The following CEMIP2 variants were observed in gnomAD, a reference collection of about 807,000 sequenced individuals.
CEMIP2 encodes the protein cell surface hyaluronidase CEMIP2.
Under a neutral mutation model 146.9 loss-of-function variants are expected in CEMIP2, and 79 were observed. That is an observed-to-expected ratio of 0.54 (90% CI 0.45 to 0.65). CEMIP2 has a LOEUF of 0.65. Among genes scored for constraint, CEMIP2 ranks in the 30% least tolerant of loss-of-function variants. CEMIP2 has a pLI of 0.00. For missense variants in CEMIP2, 1,596 were observed against 1,696.2 expected, an observed-to-expected ratio of 0.94 and a Z score of 1.04; for synonymous variants, 601 against 606.3, an observed-to-expected ratio of 0.99 and a Z score of 0.13.
chr9:71,700,563 C>A (rs1822530146), intron 19 of CEMIP2, 79 bp downstream of exon 19: 4 of 1,440,344 alleles, frequency 2.8e-6, no homozygotes, highest in Non-Finnish European at 3.8e-6. Flanking sequence ...CACTAAACAG[C>A]CGCGATGCTG....
At chr9:71,698,474 T>C (rs978209143) in intron 19 of CEMIP2, among the ~76,000 whole-genome samples, 2 of 152,230 alleles carry the variant, frequency 1.3e-5, no homozygotes, top group African/African-American at 4.8e-5. Context: ...ATTAGTTCGA[T>C]AGGTAATTTG....
intron 6 of CEMIP2, among the ~76,000 whole-genome samples, 167 bp downstream of exon 6, chr9:71,734,639 C>T (rs1823711860): frequency 6.6e-6 from 1 of 151,882 alleles, no homozygotes; most frequent in Non-Finnish European, 1.5e-5. Context: ...ATCTAATATT[C>T]CCTGGAATCT....
At chr9:71,731,717 A>T (rs1270723027) in intron 7 of CEMIP2, among the ~76,000 whole-genome samples, 9 of 138,600 alleles carry the variant, frequency 6.5e-5, no homozygotes, top group Admixed American at 6.1e-4. Flanking sequence ...GGGTGACAGA[A>T]TGAGACTGTA....
At position 71,746,596 on chromosome 9, in the gene CEMIP2, C is replaced by CAAAAAA. The variant is rs5898226; in HGVS notation, c.332-261_332-256dup. On this transcript the variant is annotated intron_variant, in intron 2 of 23. Transcript: ENST00000377044. Reference sequence around the variant, plus strand: ...GCATCTAGTTCAGGACAAACTTCACCAAAAAAAAAAAAAAAAAAAAAAAGT... The same window carrying CAAAAAA: ...GCATCTAGTTCAGGACAAACTTCACCAAAAAAAAAAAAAAAAAAAAAAAAAAAAAGT... Among the ~76,000 whole-genome samples, 39 of 75,158 alleles carry CAAAAAA rather than the reference C, an allele frequency of 5.2e-4. 1 individual carries two copies. Among genetic ancestry groups the CAAAAAA allele is most frequent in the South Asian group, 2.0e-3 (3 of 1,512 alleles). 49.3% of individuals were successfully genotyped at this position (75,158 alleles called of 152,430 possible).
intron 20 of CEMIP2, among the ~76,000 whole-genome samples, chr9:71,695,951 A>G (rs909956418): frequency 6.6e-6 from 1 of 152,074 alleles, no homozygotes; most frequent in African/African-American, 2.4e-5. Flanking sequence ...CCCCGCCTCT[A>G]TATTTAAGAA....
chr9:71,731,126 A>G (rs968170156), intron 7 of CEMIP2: 4 of 590,020 alleles, frequency 6.8e-6, no homozygotes, highest in Non-Finnish European at 9.0e-6. Flanking sequence ...ATAGCCTCCA[A>G]TTAGGAATAA....
intron 20 of CEMIP2, 98 bp downstream of exon 20, chr9:71,697,887 A>G: frequency 8.1e-7 from 1 of 1,236,650 alleles, no homozygotes; most frequent in Non-Finnish European, 1.1e-6. Context: ...ATGTCCATAA[A>G]TGGGCAATAT....
chr9:71,709,077 T>A (rs1180420493), intron 17 of CEMIP2, among the ~76,000 whole-genome samples, 182 bp downstream of exon 17: 4 of 152,032 alleles, frequency 2.6e-5, no homozygotes, highest in African/African-American at 9.7e-5. Flanking sequence ...TTAAGAAAAA[T>A]TCCAGGAGTC....
intron 11 of CEMIP2, 21 bp from the exon 12 acceptor site, chr9:71,722,536 A>C: frequency 6.4e-7 from 1 of 1,560,480 alleles, no homozygotes; most frequent in Non-Finnish European, 8.8e-7. Flanking sequence ...TAAATAATGG[A>C]CTGGAATGAA....
In CEMIP2 at chr9:71,750,398, A is replaced by G. The variant is rs1824215516; in HGVS notation, c.-12-13T>C. On this transcript the variant is annotated splice_polypyrimidine_tract_variant and intron_variant, in intron 1 of 23. Transcript: ENST00000377044. ...TGATACACTGTTACTGTGAAAAGAA[A>G]AAAAAATTAAGCTTCAGTATGTGTA... The G allele has an allele frequency of 6.5e-7, 1 of 1,527,046 alleles. No individual in the cohort carries two copies. Among genetic ancestry groups the G allele is most frequent in the Non-Finnish European group, 8.8e-7 (1 of 1,136,528 alleles). 94.6% of individuals were successfully genotyped at this position (1,527,046 alleles called of 1,614,324 possible).
At chr9:71,692,137 A>G (rs1483352114) in intron 21 of CEMIP2, among the ~76,000 whole-genome samples, 1 of 151,400 alleles carries the variant, frequency 6.6e-6, no homozygotes, top group Non-Finnish European at 1.5e-5. Context: ...AAAAACAACC[A>G]AAAACCCCTA....
chr9:71,690,927 C>G (rs1822208706), intron 21 of CEMIP2, among the ~76,000 whole-genome samples: 1 of 152,154 alleles, frequency 6.6e-6, no homozygotes, highest in Admixed American at 6.5e-5. Context: ...TCATTAATTT[C>G]TCAGCCAAAA....
intron 17 of CEMIP2, 55 bp downstream of exon 17, chr9:71,709,204 G>A: frequency 1.3e-6 from 2 of 1,520,082 alleles, no homozygotes; most frequent in Non-Finnish European, 1.8e-6. Context: ...TCTCACAGAA[G>A]CAGTGCTGGC....
Position 71,712,351 on chromosome 9 carries a change from G to A in CEMIP2, c.2592-91C>T, listed in dbSNP as rs1049281658. 49 of 1,299,668 alleles carry A rather than the reference G, an allele frequency of 3.8e-5. 1 individual carries two copies. The highest frequency in any genetic ancestry group is 2.8e-4 in the African/African-American group (19 of 67,416). The allele number at this position is 1,299,668 out of a possible 1,614,324, so 80.5% of individuals were successfully genotyped here. A position where few individuals can be genotyped will look rare whatever the true frequency, so the allele number is the denominator to read the frequency against. On this transcript the variant is annotated intron_variant, in intron 15 of 23. Transcript: ENST00000377044. ...GTTTTATGAAGACAGCTAAATATCCGGTATGAACTAAGCAAAATTCTAGGA... is the reference window on the plus strand; with the variant it reads ...GTTTTATGAAGACAGCTAAATATCCAGTATGAACTAAGCAAAATTCTAGGA...
At chr9:71,689,969 C>A in intron 22 of CEMIP2, 123 bp downstream of exon 22, 1 of 1,203,472 alleles carries the variant, frequency 8.3e-7, no homozygotes, top group Non-Finnish European at 1.2e-6. Context: ...GAGGAATGAA[C>A]ACCTTGCATA....
chr9:71,699,303 G>GA (rs1385731204), intron 19 of CEMIP2: 2 of 329,416 alleles, frequency 6.1e-6, no homozygotes, highest in Non-Finnish European at 1.3e-5. Flanking sequence ...AACAAAAATT[G>GA]AAAATCAATG....
intron 22 of CEMIP2, 69 bp downstream of exon 22, chr9:71,690,023 C>A (rs1197003013): frequency 6.4e-7 from 1 of 1,565,118 alleles, no homozygotes; most frequent in Non-Finnish European, 8.7e-7. Flanking sequence ...CTTGACCAGG[C>A]ATTATCAGTT....
intron 1 of CEMIP2, among the ~76,000 whole-genome samples, chr9:71,767,233 C>A (rs898552013): frequency 1.1e-4 from 17 of 152,168 alleles, no homozygotes; most frequent in Non-Finnish European, 1.8e-4. Context: ...ACAGATTTGC[C>A]TGGCTGCTCT....
chr9:71,735,104 G>A (rs933878033), intron 5 of CEMIP2, 110 bp from the exon 6 acceptor site: 53 of 1,319,676 alleles, frequency 4.0e-5, no homozygotes, highest in South Asian at 4.7e-5. Flanking sequence ...AGATAACCAC[G>A]ATTCAGCAAA....
Sources: allele counts gnomAD v4.1 joint callset (sites outside exome capture counted in the v4.1 genomes callset), GRCh38; gene constraint gnomAD v4.1.1; transcripts MANE v1.5; gene names NCBI Gene and HGNC (gene_info 2026-07-23, HGNC 2026-07-21).